NEGR1: variants seen among roughly 807,000 people sequenced by gnomAD.
NEGR1 encodes neuronal growth regulator 1.
NEGR1 carries 10 observed loss-of-function variants against 40.9 expected under a neutral mutation model. The observed-to-expected ratio is 0.24, with a 90% CI of 0.15 to 0.42. NEGR1 has a LOEUF of 0.42. Among genes scored for constraint, NEGR1 ranks in the 10% least tolerant of loss-of-function variants. The pLI, the probability that NEGR1 is intolerant of heterozygous loss-of-function variation, is 1.00. For missense variants in NEGR1, 352 were observed against 438.9 expected, an observed-to-expected ratio of 0.80 and a Z score of 1.77; for synonymous variants, 185 against 166.8, an observed-to-expected ratio of 1.11 and a Z score of -0.84.
At chr1:71,805,856 T>G (rs1657751069) in intron 2 of NEGR1, among the ~76,000 whole-genome samples, 1 of 152,152 alleles carries the variant, frequency 6.6e-6, no homozygotes, top group Non-Finnish European at 1.5e-5. Flanking sequence ...GAAAAAATAA[T>G]GACTATGGCA....
chr1:71,674,796 T>C (rs1652561019), intron 4 of NEGR1, among the ~76,000 whole-genome samples: 1 of 152,110 alleles, frequency 6.6e-6, no homozygotes, highest in African/African-American at 2.4e-5. Flanking sequence ...TCTCTGAACA[T>C]GTTATGTAAA....
rs1188705143 is a variant in NEGR1 at position 72,269,121 on chromosome 1, C to T, written c.176+13198G>A. Among the ~76,000 whole-genome samples the T allele has an allele frequency of 4.0e-5, 6 of 151,580 alleles. No homozygotes were observed. The East Asian group carries it at 1.2e-3, about 29-fold the overall frequency. ...CTATAAACTATATAAACTACTTCTA[C>T]CAGCTAGCAGAAAAAGGCAACATAT... is the stretch of plus-strand genomic sequence containing the variant. On this transcript the variant is annotated intron_variant, in intron 1 of 6. Coordinates refer to ENST00000357731, the MANE Select transcript of NEGR1 (RefSeq NM_173808.3).
At chr1:71,887,678 A>T (rs574778110) in intron 2 of NEGR1, among the ~76,000 whole-genome samples, 2 of 152,064 alleles carry the variant, frequency 1.3e-5, no homozygotes, top group South Asian at 4.1e-4. Flanking sequence ...CAGCTTTTTA[A>T]AACTATATAT....
intron 1 of NEGR1, among the ~76,000 whole-genome samples, chr1:72,052,296 G>A (rs1020996215): frequency 6.6e-6 from 1 of 151,324 alleles, no homozygotes; most frequent in African/African-American, 2.4e-5. Flanking sequence ...TATTGCTTTT[G>A]CTGATTTGGC....
chr1:71,793,954 T>C (rs187547814), intron 2 of NEGR1, among the ~76,000 whole-genome samples: 2 of 152,118 alleles, frequency 1.3e-5, no homozygotes, highest in Non-Finnish European at 2.9e-5. Context: ...AATTGTGAAA[T>C]GTGAGGCATA....
chr1:71,947,547 G>C (rs72935829), intron 1 of NEGR1, among the ~76,000 whole-genome samples: 1 of 152,132 alleles, frequency 6.6e-6, no homozygotes, highest in Non-Finnish European at 1.5e-5. Context: ...TAGAAAGCAA[G>C]TTGTAAACCA....
At chr1:71,449,977 TG>T (rs1164073089) in intron 6 of NEGR1, among the ~76,000 whole-genome samples, 1 of 150,460 alleles carries the variant, frequency 6.6e-6, no homozygotes, top group Non-Finnish European at 1.5e-5. Flanking sequence ...AAGACATTTT[TG>T]GAATTTTATA....
intron 1 of NEGR1, among the ~76,000 whole-genome samples, chr1:71,996,680 G>A (rs10493490): frequency 0.14 from 20,756 of 151,918 alleles, 1,889 homozygotes; most frequent in East Asian, 0.43. Context: ...ATGCTTACCT[G>A]GGGAAATCTG....
chr1:72,077,320 T>G (rs1343291265), intron 1 of NEGR1, among the ~76,000 whole-genome samples: 1 of 152,044 alleles, frequency 6.6e-6, no homozygotes, highest in East Asian at 1.9e-4. Flanking sequence ...AGCCAGTGTT[T>G]TTTAGAGGTG....
At chr1:71,858,944 C>T (rs1164958666) in intron 2 of NEGR1, among the ~76,000 whole-genome samples, 3 of 151,984 alleles carry the variant, frequency 2.0e-5, no homozygotes, top group African/African-American at 4.8e-5. Flanking sequence ...TTATCTCATG[C>T]CTGGTTCCCT....
intron 1 of NEGR1, among the ~76,000 whole-genome samples, chr1:71,999,021 T>G (rs954499102): frequency 6.6e-6 from 1 of 151,908 alleles, no homozygotes; most frequent in Non-Finnish European, 1.5e-5. Context: ...CTTAAATGTG[T>G]GAATACATGA....
chr1:72,011,142 A>G (rs1001441950), intron 1 of NEGR1, among the ~76,000 whole-genome samples: 17 of 152,120 alleles, frequency 1.1e-4, no homozygotes, highest in African/African-American at 3.9e-4. Flanking sequence ...TGGTCATGTC[A>G]ATGAAGATCA....
intron 6 of NEGR1, among the ~76,000 whole-genome samples, chr1:71,418,090 T>TTG (rs1553140057): frequency 1.3e-5 from 2 of 151,192 alleles, no homozygotes; most frequent in Non-Finnish European, 1.5e-5. Flanking sequence ...TTTTTTTTTT[T>TTG]GAGGCATACC....
chr1:71,843,523 C>T (rs1289831997), intron 2 of NEGR1, among the ~76,000 whole-genome samples: 1 of 152,128 alleles, frequency 6.6e-6, no homozygotes, highest in Non-Finnish European at 1.5e-5. Flanking sequence ...AAGGCCAGGT[C>T]TGTATCCTCT....
intron 2 of NEGR1, among the ~76,000 whole-genome samples, chr1:71,843,045 A>C (rs1296873284): frequency 6.6e-6 from 1 of 152,114 alleles, no homozygotes; most frequent in Non-Finnish European, 1.5e-5. Flanking sequence ...ATTATTTTAC[A>C]TTTTTAAGGG....
intron 2 of NEGR1, among the ~76,000 whole-genome samples, chr1:71,805,024 G>T (rs1325808993): frequency 6.6e-6 from 1 of 152,104 alleles, no homozygotes; most frequent in East Asian, 1.9e-4. Context: ...CTGCTTTGGG[G>T]GTGGCTGTCT....
At chr1:72,010,505 A>G (rs574264801) in intron 1 of NEGR1, among the ~76,000 whole-genome samples, 1 of 152,098 alleles carries the variant, frequency 6.6e-6, no homozygotes, top group Non-Finnish European at 1.5e-5. Flanking sequence ...AATGGATAAA[A>G]ATGAAATCTC....
chr1:71,792,375 A>G (rs924436672), intron 2 of NEGR1, among the ~76,000 whole-genome samples: 12 of 152,274 alleles, frequency 7.9e-5, no homozygotes, highest in Middle Eastern at 3.4e-3. Flanking sequence ...ATGTGTTAGT[A>G]TAAATAGATG....
intron 1 of NEGR1, among the ~76,000 whole-genome samples, chr1:72,134,816 C>T (rs1245607241): frequency 6.6e-6 from 1 of 151,522 alleles, no homozygotes; most frequent in Non-Finnish European, 1.5e-5. Flanking sequence ...CAGCTGACCA[C>T]AACCTCCGCC....
Sources: gnomAD v4.1 joint callset for allele counts (sites outside exome capture counted in the v4.1 genomes callset) on GRCh38, gnomAD v4.1.1 for gene constraint, MANE v1.5 for transcripts, NCBI Gene and HGNC (gene_info 2026-07-23, HGNC 2026-07-21) for gene names.